BMPR1B: variants seen among roughly 807,000 people sequenced by gnomAD.
BMPR1B encodes bone morphogenetic protein receptor type-1B.
In BMPR1B, 12 loss-of-function variants were observed where a neutral mutation model predicts 59.1. The ratio of observed to expected loss-of-function variants is 0.20; its 90% CI spans 0.13 to 0.33. The LOEUF is 0.33. BMPR1B is among the 10% of genes least tolerant of loss of function. BMPR1B has a pLI of 1.00. For synonymous variants in BMPR1B, 237 were observed against 207.3 expected (o/e 1.14, Z -1.23); for missense variants, 550 against 610.9 (o/e 0.90, Z 1.05).
chr4:95,114,645 GAC>G (rs10622489), intron 4 of BMPR1B, 73 bp from the exon 5 acceptor site: 23,278 of 916,716 alleles, frequency 0.025, 11 homozygotes, highest in East Asian at 0.028. Context: ...TTTTCCCCTA[GAC>G]ACACACACAC....
At chr4:94,911,597 A>C (rs920440819) in intron 2 of BMPR1B, among the ~76,000 whole-genome samples, 1 of 152,138 alleles carries the variant, frequency 6.6e-6, no homozygotes, top group Non-Finnish European at 1.5e-5. Context: ...TGACCTCATG[A>C]TATGTTCCAA....
At chr4:94,962,065 T>C (rs1730377405) in intron 2 of BMPR1B, among the ~76,000 whole-genome samples, 1 of 146,380 alleles carries the variant, frequency 6.8e-6, no homozygotes, top group African/African-American at 2.7e-5. Flanking sequence ...TTCTTTTCTT[T>C]CTTTTCTTTC....
chr4:95,001,025 C>T (rs549428606), intron 3 of BMPR1B, among the ~76,000 whole-genome samples: 22 of 152,100 alleles, frequency 1.4e-4, no homozygotes, highest in Admixed American at 7.9e-4. Flanking sequence ...TAACATAACC[C>T]GCCAAACATC....
chr4:95,026,455 A>G (rs962429617), intron 3 of BMPR1B, among the ~76,000 whole-genome samples: 1 of 152,008 alleles, frequency 6.6e-6, no homozygotes, highest in African/African-American at 2.4e-5. Flanking sequence ...TATATTATAC[A>G]TTCTCTGTAT....
intron 2 of BMPR1B, among the ~76,000 whole-genome samples, chr4:94,969,703 G>A (rs986123789): frequency 1.3e-5 from 2 of 152,044 alleles, no homozygotes; most frequent in East Asian, 3.9e-4. Flanking sequence ...TTTCACTTGT[G>A]AGTGTTTTCT....
chr4:94,966,087 A>G (rs1462608567), intron 2 of BMPR1B, among the ~76,000 whole-genome samples: 1 of 152,188 alleles, frequency 6.6e-6, no homozygotes, highest in African/African-American at 2.4e-5. Flanking sequence ...GACTTTTGAA[A>G]TGGGATGAAA....
intron 2 of BMPR1B, among the ~76,000 whole-genome samples, chr4:94,900,469 A>T (rs1210133567): frequency 6.6e-6 from 1 of 152,072 alleles, no homozygotes; most frequent in Non-Finnish European, 1.5e-5. Context: ...TTGTACATAC[A>T]AATATGATGA....
chr4:95,076,215 A>G (rs1728694657), intron 3 of BMPR1B, among the ~76,000 whole-genome samples: 2 of 151,882 alleles, frequency 1.3e-5, no homozygotes, highest in Admixed American at 6.6e-5. Context: ...CTTAATTTGT[A>G]CTCTGCAGGA....
At chr4:95,022,278 G>T (rs1724042384) in intron 3 of BMPR1B, among the ~76,000 whole-genome samples, 1 of 152,170 alleles carries the variant, frequency 6.6e-6, no homozygotes, top group African/African-American at 2.4e-5. Flanking sequence ...TTAGAAATAA[G>T]TTTTAGCAGT....
intron 6 of BMPR1B, among the ~76,000 whole-genome samples, chr4:95,120,400 C>T (rs1376072818): frequency 6.6e-6 from 1 of 152,282 alleles, no homozygotes; most frequent in East Asian, 1.9e-4. Flanking sequence ...CAGCATAGCA[C>T]TGGAAGTCCT....
chr4:95,154,838 C>CAAAA lies in BMPR1B; in HGVS notation c.*166_*167insAAAA. 1 of 889,264 alleles carries CAAAA rather than the reference C, an allele frequency of 1.1e-6. No homozygotes were observed. The highest frequency in any genetic ancestry group is 2.3e-5 in the Admixed American group (1 of 43,544). 55.1% of individuals were successfully genotyped at this position (889,264 alleles called of 1,614,324 possible). On this transcript the variant is annotated 3_prime_UTR_variant, in exon 13 of 13. Coordinates refer to ENST00000515059, the MANE Select transcript of BMPR1B (RefSeq NM_001203.3). The stretch of plus-strand genomic sequence containing the variant: ...TCTCAGGGAGCGACCTGGGCAAAGA[C>CAAAA]AGAGAAGCTCCCAGAAGGAGAGATT...
intron 1 of BMPR1B, among the ~76,000 whole-genome samples, chr4:94,832,986 C>T (rs1345080724): frequency 6.6e-6 from 1 of 151,626 alleles, no homozygotes; most frequent in Non-Finnish European, 1.5e-5. Flanking sequence ...GTCAGGAGTT[C>T]GAGACCAGCC....
chr4:94,828,170 C>G (rs919808410), intron 1 of BMPR1B, among the ~76,000 whole-genome samples: 4 of 152,122 alleles, frequency 2.6e-5, no homozygotes, highest in Non-Finnish European at 5.9e-5. Context: ...TTAAATTATA[C>G]CTAGTTTCTA....
chr4:95,117,531 T>G (rs1427385068), intron 6 of BMPR1B, among the ~76,000 whole-genome samples: 1 of 151,824 alleles, frequency 6.6e-6, no homozygotes, highest in African/African-American at 2.4e-5. Context: ...ACCTGTAATC[T>G]CAGCAGTTTG....
chr4:94,882,537 G>C (rs78398469), intron 2 of BMPR1B, among the ~76,000 whole-genome samples: 2 of 152,258 alleles, frequency 1.3e-5, no homozygotes, highest in Non-Finnish European at 2.9e-5. Context: ...ATCTTATCTT[G>C]TCAATAACTC....
intron 1 of BMPR1B, among the ~76,000 whole-genome samples, chr4:94,857,652 AC>A (rs1725811957): frequency 1.3e-5 from 2 of 152,210 alleles, no homozygotes; most frequent in African/African-American, 4.8e-5. Context: ...GCTGCTTGCT[AC>A]CCAGATTTAT....
At chr4:94,936,327 A>T (rs547265174) in intron 2 of BMPR1B, among the ~76,000 whole-genome samples, 2 of 152,348 alleles carry the variant, frequency 1.3e-5, no homozygotes, top group South Asian at 4.1e-4. Context: ...CGTGGGACAG[A>T]CAGGAGCAAC....
chr4:95,012,223 T>C (rs1343195725), intron 3 of BMPR1B, among the ~76,000 whole-genome samples: 2 of 152,164 alleles, frequency 1.3e-5, no homozygotes, highest in East Asian at 3.9e-4. Context: ...CCTTTGAAAT[T>C]CATTAGCCAT....
intron 3 of BMPR1B, among the ~76,000 whole-genome samples, chr4:95,020,008 A>T (rs1222551754): frequency 6.6e-6 from 1 of 152,132 alleles, no homozygotes; most frequent in Non-Finnish European, 1.5e-5. Flanking sequence ...GGTGTTATGC[A>T]CCTTATAGTT....
Sources: allele counts gnomAD v4.1 joint callset (sites outside exome capture counted in the v4.1 genomes callset), GRCh38; gene constraint gnomAD v4.1.1; transcripts MANE v1.5; gene names NCBI Gene and HGNC (gene_info 2026-07-23, HGNC 2026-07-21).